The following LRRTM4 variants were observed in gnomAD, a reference collection of about 807,000 sequenced individuals.
LRRTM4 encodes the protein leucine rich repeat transmembrane neuronal 4, also known as leucine-rich repeat transmembrane neuronal protein 4.
A neutral mutation model predicts 47.6 loss-of-function variants in LRRTM4; 25 were observed. That is an observed-to-expected ratio of 0.53 (90% confidence interval 0.38 to 0.73). The LOEUF is 0.73. LRRTM4 is among the 30% of genes least tolerant of loss of function. LRRTM4 has a pLI of 0.00. For synonymous variants in LRRTM4, 311 were observed against 269.5 expected (o/e 1.15, Z -1.51); for missense variants, 638 against 713.4 (o/e 0.89, Z 1.20).
chr2:77,259,267 C>G (rs1415264468), intron 3 of LRRTM4, among the ~76,000 whole-genome samples: 1 of 151,962 alleles, frequency 6.6e-6, no homozygotes, highest in African/African-American at 2.4e-5. Context: ...TTTAATCTCT[C>G]AAAAACATCT....
At chr2:76,792,978 T>C (rs1675056840) in intron 3 of LRRTM4, among the ~76,000 whole-genome samples, 1 of 152,172 alleles carries the variant, frequency 6.6e-6, no homozygotes, top group East Asian at 1.9e-4. Context: ...TTTGTCTTGA[T>C]GGAAAGTGGA....
chr2:77,181,632 T>C (rs1448752863), intron 3 of LRRTM4, among the ~76,000 whole-genome samples: 1 of 152,138 alleles, frequency 6.6e-6, no homozygotes, highest in Non-Finnish European at 1.5e-5. Context: ...AGTGGTAATT[T>C]AAACACAAGC....
intron 3 of LRRTM4, among the ~76,000 whole-genome samples, chr2:76,797,772 T>G (rs1232412915): frequency 2.7e-5 from 4 of 150,080 alleles, no homozygotes; most frequent in Non-Finnish European, 5.9e-5. Context: ...TGGGGGAAGA[T>G]CTACCAAGCC....
At chr2:76,905,893 G>C (rs1395479069) in intron 3 of LRRTM4, among the ~76,000 whole-genome samples, 2 of 152,136 alleles carry the variant, frequency 1.3e-5, no homozygotes, top group African/African-American at 4.8e-5. Flanking sequence ...AAGTGACAGG[G>C]AGAATGGAAC....
chr2:77,130,250 C>A (rs1396828605), intron 3 of LRRTM4, among the ~76,000 whole-genome samples: 1 of 152,076 alleles, frequency 6.6e-6, no homozygotes, highest in Non-Finnish European at 1.5e-5. Flanking sequence ...ATTATTCACT[C>A]CATGAAAACG....
intron 3 of LRRTM4, among the ~76,000 whole-genome samples, chr2:77,101,442 A>T (rs1385133165): frequency 1.3e-5 from 2 of 152,166 alleles, no homozygotes; most frequent in Non-Finnish European, 2.9e-5. Flanking sequence ...GAGTAATGCT[A>T]TTAGCTTAGG....
At chr2:77,065,627 C>T (rs1679925667) in intron 3 of LRRTM4, among the ~76,000 whole-genome samples, 1 of 151,990 alleles carries the variant, frequency 6.6e-6, no homozygotes, top group African/African-American at 2.4e-5. Context: ...TGAGAAATGC[C>T]TGGGGCTGTG....
chr2:76,790,374 G>A (rs55664837), intron 3 of LRRTM4, among the ~76,000 whole-genome samples: 23,242 of 151,954 alleles, frequency 0.15, 2,058 homozygotes, highest in East Asian at 0.26. Context: ...TAAATTTTCA[G>A]TTGGAAAGAT....
chr2:76,961,984 TG>T (rs1322815794), intron 3 of LRRTM4, among the ~76,000 whole-genome samples: 1 of 151,310 alleles, frequency 6.6e-6, no homozygotes, highest in African/African-American at 2.4e-5. Context: ...TCTGGTTTTC[TG>T]AGGGTTTCTT....
intron 3 of LRRTM4, among the ~76,000 whole-genome samples, chr2:77,175,302 A>T (rs575802370): frequency 2.4e-4 from 36 of 152,138 alleles, no homozygotes; most frequent in Non-Finnish European, 7.4e-5. Context: ...GAGTCTTGGA[A>T]CATTTCCAGG....
intron 3 of LRRTM4, among the ~76,000 whole-genome samples, chr2:77,275,907 G>A (rs1171490795): frequency 3.9e-5 from 6 of 151,990 alleles, no homozygotes; most frequent in African/African-American, 1.2e-4. Flanking sequence ...TTTTTATGAT[G>A]AGCTTGTATC....
chr2:76,912,955 C>G (rs372889563), intron 3 of LRRTM4, among the ~76,000 whole-genome samples: 1 of 152,186 alleles, frequency 6.6e-6, no homozygotes, highest in Admixed American at 6.5e-5. Context: ...CAATTAACCA[C>G]TTTCATTCAT....
chr2:76,832,407 C>T (rs1242424583), intron 3 of LRRTM4, among the ~76,000 whole-genome samples: 2 of 149,966 alleles, frequency 1.3e-5, no homozygotes, highest in East Asian at 2.0e-4. Flanking sequence ...GCTGTGATTT[C>T]CTGAAGTCTA....
intron 3 of LRRTM4, among the ~76,000 whole-genome samples, chr2:76,894,268 C>T (rs1237226977): frequency 6.6e-6 from 1 of 152,000 alleles, no homozygotes; most frequent in Non-Finnish European, 1.5e-5. Flanking sequence ...CCTTATGATA[C>T]TTATGCACTC....
chr2:76,870,790 T>C (rs746200098), intron 3 of LRRTM4, among the ~76,000 whole-genome samples: 7 of 152,358 alleles, frequency 4.6e-5, no homozygotes, highest in Admixed American at 3.9e-4. Context: ...ATACTTGTGG[T>C]GCAACCCTAT....
Position 76,805,118 on chromosome 2 carries a change from G to A in LRRTM4, c.1552-56202C>T, listed in dbSNP as rs924251396. On this transcript the variant is annotated intron_variant, in intron 3 of 3. Coordinates refer to ENST00000409884, the MANE Select transcript of LRRTM4 (RefSeq NM_001134745.3). ...CTTTTAATGAAGATTGAAGCCTCATGGAGACAGGAATCAAGGCCCTTAACC... is the reference window on the plus strand; with the variant it reads ...CTTTTAATGAAGATTGAAGCCTCATAGAGACAGGAATCAAGGCCCTTAACC... Among the ~76,000 whole-genome samples the A allele has an allele frequency of 2.0e-5, 3 of 152,100 alleles. No individual in the cohort carries two copies. In the South Asian group the frequency reaches 6.2e-4, roughly 31 times the overall value.
At chr2:77,284,810 T>G (rs1196863347) in intron 3 of LRRTM4, among the ~76,000 whole-genome samples, 1 of 152,102 alleles carries the variant, frequency 6.6e-6, no homozygotes, top group African/African-American at 2.4e-5. Context: ...CAAAGGAAAG[T>G]GTATGTTGAT....
intron 3 of LRRTM4, among the ~76,000 whole-genome samples, chr2:77,115,906 C>T (rs975847821): frequency 3.9e-5 from 6 of 152,046 alleles, no homozygotes; most frequent in Non-Finnish European, 7.4e-5. Flanking sequence ...TTTTCCTATT[C>T]CCCCAGTTTA....
intron 3 of LRRTM4, among the ~76,000 whole-genome samples, chr2:76,984,667 G>A (rs1048187735): frequency 6.6e-6 from 1 of 151,960 alleles, no homozygotes; most frequent in African/African-American, 2.4e-5. Context: ...TGGAAGATCA[G>A]AAAAACAACA....
Sources: allele counts gnomAD v4.1 joint callset (sites outside exome capture counted in the v4.1 genomes callset), GRCh38; gene constraint gnomAD v4.1.1; transcripts MANE v1.5; gene names NCBI Gene and HGNC (gene_info 2026-07-23, HGNC 2026-07-21).